Variants in SCAPER observed in about 807,000 individuals in gnomAD.
SCAPER encodes S-phase cyclin A associated protein in the ER.
Under a neutral mutation model 182.2 loss-of-function variants are expected in SCAPER, and 98 were observed. That is an observed-to-expected ratio of 0.54 (90% CI 0.46 to 0.64). The LOEUF is 0.64. SCAPER is among the 30% of genes least tolerant of loss of function. The pLI is 0.00. For synonymous variants in SCAPER, 605 were observed against 564.6 expected, an observed-to-expected ratio of 1.07 and a Z score of -1.01; for missense variants, 1,432 against 1,690.0, an observed-to-expected ratio of 0.85 and a Z score of 2.68.
chr15:76,821,035 T>A (rs942703855), intron 5 of SCAPER, among the ~76,000 whole-genome samples: 1 of 152,240 alleles, frequency 6.6e-6, no homozygotes, highest in African/African-American at 2.4e-5. Flanking sequence ...TGGGAATGCA[T>A]AATGGTACAG....
chr15:76,537,017 G>A (rs1351814784), intron 23 of SCAPER, among the ~76,000 whole-genome samples: 1 of 152,158 alleles, frequency 6.6e-6, no homozygotes, highest in Non-Finnish European at 1.5e-5. Flanking sequence ...CAAGGGACGT[G>A]AAGGACCTCT....
At chr15:76,634,791 CT>C (rs1359581524) in intron 21 of SCAPER, among the ~76,000 whole-genome samples, 1 of 151,852 alleles carries the variant, frequency 6.6e-6, no homozygotes, top group Non-Finnish European at 1.5e-5. Context: ...GTATGTTGAT[CT>C]TGTTTCTTGA....
intron 21 of SCAPER, among the ~76,000 whole-genome samples, chr15:76,637,798 G>GCA (rs2053764864): frequency 7.6e-6 from 1 of 132,214 alleles, no homozygotes. Flanking sequence ...GTGTGTGTGT[G>GCA]TATGTATATA....
intron 25 of SCAPER, among the ~76,000 whole-genome samples, chr15:76,435,212 G>C (rs186340820): frequency 2.0e-5 from 3 of 151,930 alleles, no homozygotes; most frequent in East Asian, 3.9e-4. Flanking sequence ...TACTTGGAAA[G>C]AGAGAAAGAA....
At chr15:76,739,324 A>G (rs2061432596) in intron 15 of SCAPER, among the ~76,000 whole-genome samples, 1 of 152,234 alleles carries the variant, frequency 6.6e-6, no homozygotes, top group South Asian at 2.1e-4. Context: ...TAACCTCAGC[A>G]TAAGATTTCT....
In SCAPER at chr15:76,404,614, A is replaced by T. The variant is rs1446053269; in HGVS notation, c.3377T>A (p.Val1126Glu). Residue 1126 changes from valine (V) to glutamate (E), a missense_variant, in exon 27 of 32, where the codon GTG becomes GAG. Around this residue, in one of 5 missense-constraint regions of SCAPER, gnomAD observed 718 missense variants for 799.7 expected, o/e 0.90. Coordinates refer to ENST00000563290, the MANE Select transcript of SCAPER (RefSeq NM_020843.4). ...CACFLSVQGP[V>E]DENPKMAIFL... Reference sequence around the variant, plus strand: ...TATGGCCATCTTGGGATTCTCATCCACTGGGCCTTGCACCGAGAGGAAGCA... The same window carrying T: ...TATGGCCATCTTGGGATTCTCATCCTCTGGGCCTTGCACCGAGAGGAAGCA... The T allele has an allele frequency of 1.2e-6, 2 of 1,613,606 alleles. No individual in the cohort carries two copies. Among genetic ancestry groups the T allele is most frequent in the African/African-American group, 2.7e-5 (2 of 75,008 alleles).
At chr15:76,838,744 A>G (rs765421430) in intron 5 of SCAPER, among the ~76,000 whole-genome samples, 1 of 152,210 alleles carries the variant, frequency 6.6e-6, no homozygotes, top group Non-Finnish European at 1.5e-5. Flanking sequence ...ATGTATTCCC[A>G]GCATGTTTTC....
rs1161953626 is a variant in SCAPER, at chr15:76,567,670, T to C, written c.2838+6488A>G. ...ACATTTATTTTTTAGCTATTTGGAT[T>C]TCTTTCAGAATGCCTATCCTCTTGA... On this transcript the variant is annotated intron_variant, in intron 23 of 31. Transcript: ENST00000563290. 1.2e-4 allele frequency among the ~76,000 whole-genome samples: 19 copies of C among 152,216 alleles called. 1 individual carries two copies. Among genetic ancestry groups the C allele is most frequent in the Admixed American group, 1.2e-3 (19 of 15,288 alleles).
chr15:76,586,855 T>C (rs894466455), intron 22 of SCAPER, among the ~76,000 whole-genome samples: 8 of 152,100 alleles, frequency 5.3e-5, no homozygotes, highest in Admixed American at 4.6e-4. Context: ...CTCTATCTCG[T>C]GGAATAGTGT....
At chr15:76,778,925 CATT>C (rs1217517987) in intron 8 of SCAPER, among the ~76,000 whole-genome samples, 1 of 151,864 alleles carries the variant, frequency 6.6e-6, no homozygotes, top group Non-Finnish European at 1.5e-5. Context: ...GCCATGCAAA[CATT>C]AATAAATCAG....
chr15:76,876,674 TGAAAA>T (rs540323922), intron 2 of SCAPER, among the ~76,000 whole-genome samples: 16 of 152,192 alleles, frequency 1.1e-4, no homozygotes, highest in African/African-American at 1.9e-4. Flanking sequence ...CATCAACAGA[TGAAAA>T]GAAAAGCATG....
chr15:76,866,253 G>T (rs1159991871), intron 2 of SCAPER, among the ~76,000 whole-genome samples: 4 of 152,072 alleles, frequency 2.6e-5, no homozygotes, highest in Non-Finnish European at 5.9e-5. Flanking sequence ...GTGTGTGTGT[G>T]TGTGTGCGTG....
chr15:76,538,573 G>A (rs1340098933), intron 23 of SCAPER, among the ~76,000 whole-genome samples: 2 of 152,088 alleles, frequency 1.3e-5, no homozygotes, highest in African/African-American at 2.4e-5. Flanking sequence ...TTGTGGGGTC[G>A]GGGAGAGGGG....
intron 17 of SCAPER, among the ~76,000 whole-genome samples, chr15:76,719,504 T>C (rs1329353049): frequency 1.3e-5 from 2 of 152,074 alleles, no homozygotes; most frequent in Non-Finnish European, 2.9e-5. Flanking sequence ...GGTAATAAAA[T>C]TGTACAGTAC....
chr15:76,588,399 T>C (rs1232105617), intron 22 of SCAPER, among the ~76,000 whole-genome samples: 2 of 152,246 alleles, frequency 1.3e-5, no homozygotes, highest in African/African-American at 4.8e-5. Flanking sequence ...CTTTGTCTGA[T>C]ATAAGAATAG....
At chr15:76,501,097 A>C (rs2041073732) in intron 24 of SCAPER, among the ~76,000 whole-genome samples, 1 of 152,206 alleles carries the variant, frequency 6.6e-6, no homozygotes, top group African/African-American at 2.4e-5. Flanking sequence ...CAAAGGAGAT[A>C]CAAACTGCCT....
intron 23 of SCAPER, among the ~76,000 whole-genome samples, chr15:76,549,338 C>G (rs1194024948): frequency 6.6e-6 from 1 of 152,106 alleles, no homozygotes; most frequent in South Asian, 2.1e-4. Flanking sequence ...TTCACAACAG[C>G]AAAGACTTGG....
chr15:76,651,500 A>G (rs2055035129), intron 21 of SCAPER, among the ~76,000 whole-genome samples: 1 of 151,698 alleles, frequency 6.6e-6, no homozygotes. Flanking sequence ...TTAAAATTGC[A>G]TTTTTTCAAT....
At chr15:76,445,473 C>G (rs2047933190) in intron 25 of SCAPER, among the ~76,000 whole-genome samples, 1 of 152,134 alleles carries the variant, frequency 6.6e-6, no homozygotes, top group Non-Finnish European at 1.5e-5. Flanking sequence ...TCCTCTGACA[C>G]TGTTCTGATG....
Sources: allele counts gnomAD v4.1 joint callset (sites outside exome capture counted in the v4.1 genomes callset), GRCh38; gene constraint gnomAD v4.1.1; regional missense constraint gnomAD v4.1.1; transcripts MANE v1.5; gene names NCBI Gene and HGNC (gene_info 2026-07-23, HGNC 2026-07-21).